Variants in DLGAP2 observed in about 807,000 individuals in gnomAD.
DLGAP2 encodes disks large-associated protein 2.
Under a neutral mutation model 100.3 loss-of-function variants are expected in DLGAP2, and 26 were observed. That is an observed-to-expected ratio of 0.26 (90% confidence interval 0.19 to 0.36). The LOEUF (loss-of-function observed/expected upper bound fraction) is 0.36. DLGAP2 is among the 10% of genes least tolerant of loss of function. The pLI is 1.00. For missense variants in DLGAP2, 1,858 were observed against 1,453.2 expected (o/e 1.28, Z -4.53); for synonymous variants, 886 against 630.1 (o/e 1.41, Z -6.08).
intron 1 of DLGAP2, among the ~76,000 whole-genome samples, chr8:789,326 G>C (rs1384390798): frequency 6.6e-6 from 1 of 152,212 alleles, no homozygotes; most frequent in Non-Finnish European, 1.5e-5. Flanking sequence ...AGGGGAAGTA[G>C]GCATATCCCG....
intron 4 of DLGAP2, among the ~76,000 whole-genome samples, chr8:1,504,315 G>A (rs1799826854): frequency 6.6e-6 from 1 of 152,122 alleles, no homozygotes; most frequent in South Asian, 2.1e-4. Context: ...TATACAACGT[G>A]ATGTTTTGAT....
At chr8:1,438,225 G>C (rs188760040) in intron 3 of DLGAP2, among the ~76,000 whole-genome samples, 29 of 152,142 alleles carry the variant, frequency 1.9e-4, no homozygotes, top group African/African-American at 7.0e-4. Flanking sequence ...TTTAAATAGA[G>C]TGTGTCTCAG....
intron 2 of DLGAP2, among the ~76,000 whole-genome samples, chr8:920,284 C>T (rs1019849835): frequency 2.0e-5 from 3 of 152,340 alleles, no homozygotes; most frequent in African/African-American, 7.2e-5. Flanking sequence ...AGCAGGACAG[C>T]AGGTGTGTGG....
chr8:1,355,745 G>A (rs1801833730), intron 3 of DLGAP2, among the ~76,000 whole-genome samples: 1 of 152,104 alleles, frequency 6.6e-6, no homozygotes, highest in Non-Finnish European at 1.5e-5. Context: ...GACTGGTCCT[G>A]TCCCTGTGGA....
chr8:1,043,392 G>GTAGGTGGTGGATA (rs988799200), intron 2 of DLGAP2, among the ~76,000 whole-genome samples: 2 of 151,688 alleles, frequency 1.3e-5, no homozygotes, highest in East Asian at 3.9e-4. Flanking sequence ...GGTGGTGGAC[G>GTAGGTGGTGGATA]TAGGTGGTGG....
chr8:853,003 G>C (rs939959774), intron 1 of DLGAP2, among the ~76,000 whole-genome samples: 3 of 152,230 alleles, frequency 2.0e-5, no homozygotes, highest in Admixed American at 1.3e-4. Flanking sequence ...AGTGGGCTTT[G>C]TAGTGACACA....
intron 3 of DLGAP2, chr8:1,302,189 GA>G: frequency 6.6e-6 from 1 of 151,878 alleles, no homozygotes; most frequent in Non-Finnish European, 1.5e-5. Context: ...CCATACCTGG[GA>G]CCGGACTCGG....
intron 2 of DLGAP2, among the ~76,000 whole-genome samples, chr8:1,117,452 C>T (rs376887636): frequency 5.9e-4 from 90 of 152,310 alleles, no homozygotes; most frequent in African/African-American, 2.0e-3. Flanking sequence ...GAAACAGGCT[C>T]ACGGTGGGAA....
At chr8:1,283,543 C>A (rs964537047) in intron 3 of DLGAP2, among the ~76,000 whole-genome samples, 2 of 152,196 alleles carry the variant, frequency 1.3e-5, no homozygotes, top group South Asian at 4.1e-4. Flanking sequence ...TCAGCCTTGG[C>A]ACTCGGCTTT....
intron 3 of DLGAP2, chr8:1,296,287 C>G (rs1045202826): frequency 7.0e-6 from 1 of 143,868 alleles, no homozygotes; most frequent in Non-Finnish European, 1.5e-5. Context: ...ATCTTGGGTT[C>G]TTTTCTAGAA....
At chr8:1,251,129 AC>A (rs779048254) in intron 2 of DLGAP2, among the ~76,000 whole-genome samples, 1 of 152,156 alleles carries the variant, frequency 6.6e-6, no homozygotes. Flanking sequence ...GCCTTCCCTA[AC>A]CCGTGCAACA....
chr8:1,667,695 T>A (rs1798579840), intron 8 of DLGAP2, among the ~76,000 whole-genome samples: 2 of 152,232 alleles, frequency 1.3e-5, no homozygotes, highest in South Asian at 4.1e-4. Flanking sequence ...CACACAGGTT[T>A]CCTGTACAAA....
chr8:1,503,449 C>A (rs1229602504), intron 4 of DLGAP2, among the ~76,000 whole-genome samples: 1 of 152,114 alleles, frequency 6.6e-6, no homozygotes, highest in Non-Finnish European at 1.5e-5. Flanking sequence ...CAATGTGTCA[C>A]ACGCCCTTTC....
chr8:1,299,465 C>G (rs777900707), intron 3 of DLGAP2, among the ~76,000 whole-genome samples: 12 of 152,200 alleles, frequency 7.9e-5, no homozygotes, highest in Non-Finnish European at 1.8e-4. Flanking sequence ...TTGTGATAAT[C>G]TTAGGAATCT....
At chr8:1,086,267 A>G (rs571120684) in intron 2 of DLGAP2, among the ~76,000 whole-genome samples, 6 of 152,284 alleles carry the variant, frequency 3.9e-5, no homozygotes, top group South Asian at 4.1e-4. Context: ...CTGCTGTCCA[A>G]TTGCCCAGCA....
chr8:1,681,440 C>G (rs952021954), intron 12 of DLGAP2, among the ~76,000 whole-genome samples: 4 of 152,082 alleles, frequency 2.6e-5, no homozygotes, highest in African/African-American at 9.6e-5. Context: ...TTAGACCAGC[C>G]TGGACAACAC....
chr8:1,177,393 C>T (rs559492815), intron 2 of DLGAP2, among the ~76,000 whole-genome samples: 29 of 152,086 alleles, frequency 1.9e-4, no homozygotes, highest in Admixed American at 1.0e-3. Context: ...TCTCCTGGCC[C>T]GAGTTCTGCC....
chr8:888,233 G>T (rs569822622), intron 1 of DLGAP2, among the ~76,000 whole-genome samples: 1 of 152,278 alleles, frequency 6.6e-6, no homozygotes, highest in South Asian at 2.1e-4. Flanking sequence ...TTTCAGCTCT[G>T]TCAGGTTATG....
intron 4 of DLGAP2, among the ~76,000 whole-genome samples, chr8:1,524,826 C>T (rs928327498): frequency 6.6e-6 from 1 of 152,264 alleles, no homozygotes; most frequent in South Asian, 2.1e-4. Context: ...GTCTGCATCA[C>T]TCTTACCACC....
Sources: allele counts gnomAD v4.1 joint callset (sites outside exome capture counted in the v4.1 genomes callset), GRCh38; gene constraint gnomAD v4.1.1; transcripts MANE v1.5; gene names NCBI Gene and HGNC (gene_info 2026-07-23, HGNC 2026-07-21).